LRRC7: variants seen among roughly 807,000 people sequenced by gnomAD.
The protein encoded by LRRC7 is leucine rich repeat containing 7, also known as leucine-rich repeat-containing protein 7.
A neutral mutation model predicts 175.7 loss-of-function variants in LRRC7; 23 were observed. The observed-to-expected ratio is 0.13, with a 90% CI of 0.09 to 0.19. The LOEUF (loss-of-function observed/expected upper bound fraction) is 0.19, where lower values mean the gene tolerates loss of function less well. Ranked by LOEUF, LRRC7 falls within the 10% of genes least tolerant of loss-of-function variation. LRRC7 has a pLI of 1.00. For missense variants in LRRC7, 1,354 were observed against 1,904.7 expected, an observed-to-expected ratio of 0.71 and a Z score of 5.38; for synonymous variants, 685 against 680.9, an observed-to-expected ratio of 1.01 and a Z score of -0.09.
At chr1:69,766,962 A>G (rs1369493511) in intron 3 of LRRC7, among the ~76,000 whole-genome samples, 1 of 152,174 alleles carries the variant, frequency 6.6e-6, no homozygotes, top group Non-Finnish European at 1.5e-5. Flanking sequence ...AGAATTGCAC[A>G]GCCGTCATCA....
At chr1:69,798,106 G>A (rs185206916) in intron 4 of LRRC7, among the ~76,000 whole-genome samples, 14 of 152,152 alleles carry the variant, frequency 9.2e-5, no homozygotes, top group African/African-American at 3.4e-4. Context: ...ATTTTTAGTA[G>A]AGATGGGATT....
intron 9 of LRRC7, among the ~76,000 whole-genome samples, chr1:69,981,812 G>A (rs1289450923): frequency 1.3e-5 from 2 of 152,134 alleles, no homozygotes; most frequent in Non-Finnish European, 2.9e-5. Flanking sequence ...AAATTACATA[G>A]CATTTACCAC....
chr1:70,115,588 A>T (rs926508791), intron 26 of LRRC7, among the ~76,000 whole-genome samples: 26 of 152,168 alleles, frequency 1.7e-4, no homozygotes, highest in African/African-American at 5.3e-4. Context: ...TTTACCTGGA[A>T]AATGTGCATC....
intron 7 of LRRC7, among the ~76,000 whole-genome samples, chr1:69,867,722 T>C (rs2137591): frequency 0.48 from 72,267 of 151,818 alleles, 17,515 homozygotes; most frequent in East Asian, 0.55. Context: ...GAGTTTGAAT[T>C]GAGAAAGGTT....
chr1:70,115,029 C>T (rs1286532166), intron 26 of LRRC7, among the ~76,000 whole-genome samples: 1 of 151,812 alleles, frequency 6.6e-6, no homozygotes, highest in Non-Finnish European at 1.5e-5. Context: ...CCATTGTCAA[C>T]AAAATAACAA....
chr1:69,957,564 C>T (rs535475616), intron 8 of LRRC7, among the ~76,000 whole-genome samples: 2 of 151,778 alleles, frequency 1.3e-5, no homozygotes, highest in East Asian at 1.9e-4. Flanking sequence ...AGTGAATGCT[C>T]CTATACTAGA....
At chr1:69,700,368 A>G (rs1663188647) in intron 2 of LRRC7, among the ~76,000 whole-genome samples, 1 of 152,218 alleles carries the variant, frequency 6.6e-6, no homozygotes. Context: ...AACACTATGT[A>G]ACTATGTGCT....
intron 1 of LRRC7, among the ~76,000 whole-genome samples, chr1:69,637,491 A>T (rs1653571097): frequency 6.6e-6 from 1 of 151,986 alleles, no homozygotes; most frequent in South Asian, 2.1e-4. Flanking sequence ...CCCACTTATC[A>T]CAACTAAACA....
At chr1:69,925,336 C>T (rs1450857679) in intron 7 of LRRC7, among the ~76,000 whole-genome samples, 41 of 152,192 alleles carry the variant, frequency 2.7e-4, no homozygotes, top group Non-Finnish European at 4.0e-4. Flanking sequence ...GGGAGGATTC[C>T]TTCTTTTTCT....
rs143305039 is a variant in LRRC7, at chr1:70,005,445, T to G, written c.1005-6352T>G. Among the ~76,000 whole-genome samples, 374 of 152,336 alleles carry G rather than the reference T, an allele frequency of 2.5e-3. 2 individuals are homozygous for G. The highest frequency in any genetic ancestry group is 8.8e-3 in the African/African-American group (364 of 41,580). On this transcript the variant is annotated intron_variant, in intron 11 of 26. Transcript: ENST00000651989. ...GTATATTCACAATCTTTCTTCCCTA[T>G]TAGCTAGGTAATTGAGGGTTAATGA...
intron 11 of LRRC7, among the ~76,000 whole-genome samples, chr1:69,997,606 A>C (rs1655115729): frequency 6.6e-6 from 1 of 151,086 alleles, no homozygotes; most frequent in African/African-American, 2.4e-5. Context: ...AGTTTTTAGC[A>C]TGAAGGGTTG....
chr1:69,584,908 T>TCTCTTTTTACCTGGTTAACTC (rs1458208984), intron 1 of LRRC7, among the ~76,000 whole-genome samples: 49 of 152,230 alleles, frequency 3.2e-4, no homozygotes, highest in African/African-American at 1.1e-3. Context: ...CTCATTAACT[T>TCTCTTTTTACCTGGTTAACTC]CTCTTTTTAC....
intron 1 of LRRC7, among the ~76,000 whole-genome samples, chr1:69,645,601 T>A (rs1654893107): frequency 6.6e-6 from 1 of 152,114 alleles, no homozygotes; most frequent in Non-Finnish European, 1.5e-5. Context: ...TTCTTCAGGA[T>A]CACTCAGTCT....
chr1:69,814,570 A>C (rs1395469025), intron 4 of LRRC7, among the ~76,000 whole-genome samples: 1 of 152,202 alleles, frequency 6.6e-6, no homozygotes, highest in Non-Finnish European at 1.5e-5. Context: ...AATGCCATCT[A>C]AGATTAAATG....
intron 7 of LRRC7, among the ~76,000 whole-genome samples, chr1:69,914,139 C>G (rs1207838799): frequency 6.6e-6 from 1 of 152,158 alleles, no homozygotes; most frequent in Middle Eastern, 3.4e-3. Context: ...AAAGAGTGAG[C>G]ACATTTGAAA....
intron 10 of LRRC7, among the ~76,000 whole-genome samples, chr1:69,988,228 G>A (rs1654112978): frequency 6.6e-6 from 1 of 152,036 alleles, no homozygotes; most frequent in South Asian, 2.1e-4. Context: ...CAAGAACTGT[G>A]CCTGGCATAT....
At chr1:69,677,821 C>T (rs965068114) in intron 1 of LRRC7, among the ~76,000 whole-genome samples, 2 of 152,034 alleles carry the variant, frequency 1.3e-5, no homozygotes, top group African/African-American at 4.8e-5. Flanking sequence ...GACTATTGCT[C>T]TTAGTTATGG....
intron 4 of LRRC7, among the ~76,000 whole-genome samples, chr1:69,797,988 C>A (rs1488694579): frequency 1.3e-5 from 2 of 152,150 alleles, no homozygotes; most frequent in African/African-American, 4.8e-5. Flanking sequence ...ATGGCATGAT[C>A]TTGGCTCACT....
intron 24 of LRRC7, among the ~76,000 whole-genome samples, chr1:70,079,306 A>G (rs1006386552): frequency 6.6e-6 from 1 of 152,214 alleles, no homozygotes; most frequent in African/African-American, 2.4e-5. Context: ...AGTCTATTTT[A>G]ATAAGACATT....
Sources: gnomAD v4.1 joint callset for allele counts (sites outside exome capture counted in the v4.1 genomes callset) on GRCh38, gnomAD v4.1.1 for gene constraint, MANE v1.5 for transcripts, NCBI Gene and HGNC (gene_info 2026-07-23, HGNC 2026-07-21) for gene names.